The following CSMD2 variants were observed in gnomAD, a reference collection of about 807,000 sequenced individuals.
CSMD2 encodes the protein CUB and sushi domain-containing protein 2.
Under a neutral mutation model 398.5 loss-of-function variants are expected in CSMD2, and 130 were observed. The observed-to-expected ratio is 0.33, with a 90% confidence interval of 0.28 to 0.38. The LOEUF (loss-of-function observed/expected upper bound fraction) is 0.38, where lower values mean the gene tolerates loss of function less well. Ranked by LOEUF, CSMD2 falls within the 10% of genes least tolerant of loss-of-function variation. The pLI, the probability that CSMD2 is intolerant of heterozygous loss-of-function variation, is 1.00. For synonymous variants in CSMD2, 1,828 were observed against 1,908.5 expected, an observed-to-expected ratio of 0.96 and a Z score of 1.10; for missense variants, 3,829 against 4,764.9, an observed-to-expected ratio of 0.80 and a Z score of 5.78.
chr1:34,003,395 T>C (rs1186291070), intron 3 of CSMD2, among the ~76,000 whole-genome samples: 3 of 152,282 alleles, frequency 2.0e-5, no homozygotes, highest in East Asian at 1.9e-4. Context: ...CTTTCTGTCA[T>C]TGCTTTTTAC....
intron 1 of CSMD2, among the ~76,000 whole-genome samples, chr1:34,090,020 T>C (rs1211769542): frequency 6.6e-6 from 1 of 152,188 alleles, no homozygotes; most frequent in African/African-American, 2.4e-5. Flanking sequence ...TCTGGTCCCA[T>C]TGATCCACCC....
At chr1:34,024,894 A>G (rs10159305) in intron 3 of CSMD2, among the ~76,000 whole-genome samples, 34,759 of 152,162 alleles carry the variant, frequency 0.23, 4,387 homozygotes, top group Middle Eastern at 0.32. Flanking sequence ...GAATGAGGAA[A>G]TTGTCTGAGA....
At chr1:33,584,623 C>T (rs1023397194) in intron 46 of CSMD2, among the ~76,000 whole-genome samples, 20 of 149,172 alleles carry the variant, frequency 1.3e-4, no homozygotes, top group African/African-American at 4.9e-4. Flanking sequence ...GCTGAGATTG[C>T]ACCACTGCCC....
At chr1:33,988,987 G>T (rs1646453154) in intron 3 of CSMD2, among the ~76,000 whole-genome samples, 1 of 107,536 alleles carries the variant, frequency 9.3e-6, no homozygotes, top group Non-Finnish European at 2.0e-5. Context: ...ATGGCTTTGG[G>T]ACAGGTAAAA....
intron 4 of CSMD2, among the ~76,000 whole-genome samples, chr1:33,929,939 G>A (rs918282103): frequency 3.3e-5 from 5 of 152,214 alleles, no homozygotes; most frequent in East Asian, 1.9e-4. Flanking sequence ...TGACTGCTCC[G>A]TCTAAAGTAG....
chr1:33,825,839 C>G, intron 6 of CSMD2, 65 bp from the exon 7 acceptor site: 1 of 1,316,558 alleles, frequency 7.6e-7, no homozygotes, highest in Non-Finnish European at 1.1e-6. Context: ...AAGGGTCCCT[C>G]TAGAAGGATT....
At chr1:33,534,011 C>T in intron 62 of CSMD2, 104 bp from the exon 63 acceptor site, 1 of 662,552 alleles carries the variant, frequency 1.5e-6, no homozygotes, top group South Asian at 1.9e-5. Flanking sequence ...CGCACTGTTG[C>T]CTGCAAAACT....
intron 29 of CSMD2, among the ~76,000 whole-genome samples, chr1:33,641,681 T>A (rs990583278): frequency 6.6e-6 from 1 of 152,174 alleles, no homozygotes; most frequent in African/African-American, 2.4e-5. Flanking sequence ...GACACTACAG[T>A]CACCCTTCAG....
At chr1:33,659,384 C>T (rs1025048551) in intron 26 of CSMD2, among the ~76,000 whole-genome samples, 1 of 152,212 alleles carries the variant, frequency 6.6e-6, no homozygotes, top group Non-Finnish European at 1.5e-5. Context: ...CAGCGGGGCC[C>T]GGTCCCAGTC....
At position 33,754,133 on chromosome 1, in the gene CSMD2, G is replaced by A. The variant is rs868785344; in HGVS notation, c.1847-10527C>T. Among the ~76,000 whole-genome samples, 10 of 152,304 alleles carry A rather than the reference G, an allele frequency of 6.6e-5. 1 individual carries two copies. The Middle Eastern group carries it at 0.024, about 363-fold the overall frequency. On this transcript the variant is annotated intron_variant, in intron 13 of 70. Coordinates refer to ENST00000373381, the MANE Select transcript of CSMD2 (RefSeq NM_001281956.2). Reference sequence around the variant, plus strand: ...AGATTTGGGGAGCCAGGGACAGAATGATATGGTTTGGATATTTGTCTCCTC... The same window carrying A: ...AGATTTGGGGAGCCAGGGACAGAATAATATGGTTTGGATATTTGTCTCCTC...
chr1:33,889,249 C>G (rs1162770064), intron 5 of CSMD2, among the ~76,000 whole-genome samples: 1 of 151,830 alleles, frequency 6.6e-6, no homozygotes, highest in East Asian at 1.9e-4. Flanking sequence ...CAAACATGAC[C>G]TGATAGAAAA....
chr1:33,945,854 C>G (rs1644822770), intron 3 of CSMD2, among the ~76,000 whole-genome samples: 1 of 152,134 alleles, frequency 6.6e-6, no homozygotes, highest in Non-Finnish European at 1.5e-5. Context: ...TCAAATATAT[C>G]TAGACAGAAA....
chr1:34,066,425 T>TC (rs1176046443), intron 2 of CSMD2, among the ~76,000 whole-genome samples: 2 of 152,072 alleles, frequency 1.3e-5, no homozygotes, highest in Non-Finnish European at 2.9e-5. Flanking sequence ...ATCCTTTGCA[T>TC]CTTGAAACAC....
intron 24 of CSMD2, among the ~76,000 whole-genome samples, chr1:33,696,603 A>G (rs775759233): frequency 2.0e-5 from 3 of 152,138 alleles, no homozygotes; most frequent in Non-Finnish European, 2.9e-5. Context: ...GGCATTATCC[A>G]TGTCCTTGGT....
At position 33,819,708 on chromosome 1, in the gene CSMD2, C is replaced by G. The variant is rs1657886734; in HGVS notation, c.1324+5G>C. ...GCCAGCCTCCCTTCCCCAGGGCACCCTCACCTCGGCAGACTGGCCTGTGGT... is the reference window on the plus strand; with the variant it reads ...GCCAGCCTCCCTTCCCCAGGGCACCGTCACCTCGGCAGACTGGCCTGTGGT... On this transcript the variant is annotated splice_donor_5th_base_variant and intron_variant, in intron 9 of 70. Transcript: ENST00000373381. 1 of 1,612,524 alleles carries G rather than the reference C, an allele frequency of 6.2e-7. No individual in the cohort carries two copies. Among genetic ancestry groups the G allele is most frequent in the Non-Finnish European group, 8.5e-7 (1 of 1,179,720 alleles).
chr1:34,138,141 T>C (rs1440502066), intron 1 of CSMD2, among the ~76,000 whole-genome samples: 2 of 152,214 alleles, frequency 1.3e-5, no homozygotes, highest in Non-Finnish European at 2.9e-5. Context: ...TAAACAAGCT[T>C]TCTATTTATT....
chr1:33,660,251 G>T (rs998112261), intron 26 of CSMD2, among the ~76,000 whole-genome samples: 1 of 152,208 alleles, frequency 6.6e-6, no homozygotes, highest in Non-Finnish European at 1.5e-5. Flanking sequence ...TGTGAAAATT[G>T]TAAGAGCTGA....
chr1:33,632,969 A>G (rs901132639), intron 32 of CSMD2, among the ~76,000 whole-genome samples: 7 of 152,310 alleles, frequency 4.6e-5, no homozygotes, highest in Admixed American at 1.3e-4. Context: ...TAAAATATGT[A>G]TATTGGTTTG....
At chr1:33,680,786 C>G (rs1644882427) in intron 25 of CSMD2, among the ~76,000 whole-genome samples, 2 of 152,144 alleles carry the variant, frequency 1.3e-5, no homozygotes, top group South Asian at 4.1e-4. Context: ...CAGACTAGCA[C>G]TGGACTGTGA....
Sources: allele counts gnomAD v4.1 joint callset (sites outside exome capture counted in the v4.1 genomes callset), GRCh38; gene constraint gnomAD v4.1.1; transcripts MANE v1.5; gene names NCBI Gene and HGNC (gene_info 2026-07-23, HGNC 2026-07-21).